The following DCC variants were observed in gnomAD, a reference collection of about 807,000 sequenced individuals.
The protein encoded by DCC is netrin receptor DCC.
Under a neutral mutation model 172.5 loss-of-function variants are expected in DCC, and 58 were observed. The observed-to-expected ratio is 0.34, with a 90% CI of 0.27 to 0.42. DCC has a LOEUF of 0.42. DCC is among the 10% of genes least tolerant of loss of function. The pLI, the probability that DCC is intolerant of heterozygous loss-of-function variation, is 1.00. For missense variants in DCC, 1,740 were observed against 1,791.0 expected (o/e 0.97, Z 0.51); for synonymous variants, 709 against 644.5 (o/e 1.10, Z -1.52).
At chr18:52,649,059 C>T (rs923477711) in intron 1 of DCC, among the ~76,000 whole-genome samples, 5 of 152,088 alleles carry the variant, frequency 3.3e-5, no homozygotes, top group East Asian at 3.9e-4. Flanking sequence ...CCTTAAAATA[C>T]GCAGAAGAAC....
At chr18:52,446,247 T>C (rs960484304) in intron 1 of DCC, among the ~76,000 whole-genome samples, 2 of 152,198 alleles carry the variant, frequency 1.3e-5, no homozygotes, top group African/African-American at 2.4e-5. Context: ...AACTTCAAAA[T>C]CTACTTTGCC....
Position 52,853,196 on chromosome 18 carries a change from G to T in DCC, c.413-52848G>T, listed in dbSNP as rs143913489. ...GTATTTAATTTGCGAATCTCATGTTGCTTTCACAGGCCACAAAGCAGATGG... is the reference window on the plus strand; with the variant it reads ...GTATTTAATTTGCGAATCTCATGTTTCTTTCACAGGCCACAAAGCAGATGG... On this transcript the variant is annotated intron_variant, in intron 2 of 28. Transcript: ENST00000442544. 9.3e-3 allele frequency among the ~76,000 whole-genome samples: 1,417 copies of T among 152,234 alleles called. 12 individuals are homozygous for T. Among genetic ancestry groups the T allele is most frequent in the Non-Finnish European group, 0.016 (1,090 of 68,020 alleles).
rs1320545602 is a variant in DCC, at chr18:53,052,221, G to T, written c.986-11084G>T. Reference sequence around the variant, plus strand: ...ACTAACTCCCTTTTCATTTAATTCTGTTGTTTTATCCTCCAGTCTTTGACC... The same window carrying T: ...ACTAACTCCCTTTTCATTTAATTCTTTTGTTTTATCCTCCAGTCTTTGACC... On this transcript the variant is annotated intron_variant, in intron 5 of 28. Transcript: ENST00000442544. 4.0e-5 allele frequency among the ~76,000 whole-genome samples: 6 copies of T among 151,826 alleles called. 1 individual carries two copies. Among genetic ancestry groups the T allele is most frequent in the Admixed American group, 3.9e-4 (6 of 15,220 alleles).
intron 1 of DCC, among the ~76,000 whole-genome samples, chr18:52,647,194 G>A (rs2035035138): frequency 6.6e-6 from 1 of 152,162 alleles, no homozygotes; most frequent in African/African-American, 2.4e-5. Flanking sequence ...TCCACGGTAA[G>A]GCCAGACACT....
chr18:53,441,944 C>T (rs536894955), intron 22 of DCC, among the ~76,000 whole-genome samples: 3 of 152,238 alleles, frequency 2.0e-5, no homozygotes, highest in African/African-American at 7.2e-5. Flanking sequence ...TGCCATTATC[C>T]CTTTTGCTGG....
chr18:52,538,847 C>A (rs2032359694), intron 1 of DCC, among the ~76,000 whole-genome samples: 1 of 152,088 alleles, frequency 6.6e-6, no homozygotes, highest in Admixed American at 6.6e-5. Context: ...TCCCACAGAG[C>A]TGTACAAAAT....
chr18:53,185,066 A>C (rs775089530), intron 9 of DCC, among the ~76,000 whole-genome samples: 3 of 152,174 alleles, frequency 2.0e-5, no homozygotes, highest in Admixed American at 6.5e-5. Context: ...AAAGATAAGC[A>C]CTGGCATTAC....
At chr18:53,183,523 A>ATAAAGGATG (rs1001489670) in intron 9 of DCC, among the ~76,000 whole-genome samples, 2 of 152,126 alleles carry the variant, frequency 1.3e-5, no homozygotes, top group African/African-American at 4.8e-5. Context: ...CGGTTTAATC[A>ATAAAGGATG]TAAAGGATGT....
intron 5 of DCC, among the ~76,000 whole-genome samples, chr18:53,023,712 T>A (rs2041917330): frequency 1.3e-5 from 2 of 152,128 alleles, no homozygotes; most frequent in Non-Finnish European, 2.9e-5. Context: ...TTTAAAATGG[T>A]TGTTTATAAT....
intron 1 of DCC, among the ~76,000 whole-genome samples, chr18:52,643,356 T>C (rs2034949366): frequency 1.3e-5 from 2 of 152,200 alleles, no homozygotes; most frequent in Admixed American, 6.5e-5. Context: ...GAAAATACCA[T>C]GCTTACATTC....
At chr18:53,372,653 T>C (rs1274639125) in intron 15 of DCC, among the ~76,000 whole-genome samples, 1 of 152,046 alleles carries the variant, frequency 6.6e-6, no homozygotes, top group Non-Finnish European at 1.5e-5. Context: ...GTGATATAAT[T>C]TACATTTGCA....
At chr18:52,733,802 G>T (rs2036683202) in intron 1 of DCC, among the ~76,000 whole-genome samples, 1 of 152,036 alleles carries the variant, frequency 6.6e-6, no homozygotes, top group Admixed American at 6.6e-5. Context: ...GGCAGACATT[G>T]GCATTTTATC....
intron 2 of DCC, among the ~76,000 whole-genome samples, chr18:52,905,388 C>T (rs1568178608): frequency 1.3e-5 from 2 of 152,144 alleles, no homozygotes; most frequent in African/African-American, 2.4e-5. Flanking sequence ...TAATAGGTGG[C>T]TCAACTAGTC....
intron 1 of DCC, among the ~76,000 whole-genome samples, chr18:52,552,568 T>C (rs544367947): frequency 2.1e-4 from 32 of 152,202 alleles, no homozygotes; most frequent in African/African-American, 7.0e-4. Flanking sequence ...AGTTCATTTT[T>C]AAAAATTTGG....
chr18:52,493,713 A>T (rs2030618126), intron 1 of DCC, among the ~76,000 whole-genome samples: 3 of 152,046 alleles, frequency 2.0e-5, no homozygotes, highest in Admixed American at 6.6e-5. Flanking sequence ...TGACCGATTA[A>T]TTTATGATTT....
At chr18:52,976,494 G>A (rs2041120795) in intron 5 of DCC, among the ~76,000 whole-genome samples, 2 of 152,256 alleles carry the variant, frequency 1.3e-5, no homozygotes, top group South Asian at 4.1e-4. Context: ...ACCTTAGCTA[G>A]CTACTGAAAG....
At chr18:52,424,892 A>G (rs1987372299) in intron 1 of DCC, among the ~76,000 whole-genome samples, 1 of 150,734 alleles carries the variant, frequency 6.6e-6, no homozygotes, top group Admixed American at 6.6e-5. Context: ...TTTTCCATTC[A>G]TTTTTTATTA....
At chr18:53,123,259 G>A (rs2043507893) in intron 7 of DCC, among the ~76,000 whole-genome samples, 1 of 152,058 alleles carries the variant, frequency 6.6e-6, no homozygotes, top group African/African-American at 2.4e-5. Context: ...AGATCTAAAT[G>A]AGGCACTGGA....
At chr18:52,625,786 C>T (rs768846848) in intron 1 of DCC, among the ~76,000 whole-genome samples, 6 of 152,208 alleles carry the variant, frequency 3.9e-5, no homozygotes, top group South Asian at 2.1e-4. Flanking sequence ...ATCACTTCAT[C>T]GCCAATGACT....
Sources: gnomAD v4.1 joint callset for allele counts (sites outside exome capture counted in the v4.1 genomes callset) on GRCh38, gnomAD v4.1.1 for gene constraint, MANE v1.5 for transcripts, NCBI Gene and HGNC (gene_info 2026-07-23, HGNC 2026-07-21) for gene names.